The following TBC1D5 variants were observed in gnomAD, a reference collection of about 807,000 sequenced individuals.
The protein encoded by TBC1D5 is TBC1 domain family member 5, also known as TBC1 domain family, member 5.
In TBC1D5, 75 loss-of-function variants were observed where a neutral mutation model predicts 100.3. The observed-to-expected ratio is 0.75, with a 90% CI of 0.62 to 0.91. The LOEUF is 0.91. Among genes scored for constraint, TBC1D5 ranks in the 40% least tolerant of loss-of-function variants. The probability of loss-of-function intolerance (pLI) is 0.00; values close to 1 mark genes in which losing one functional copy is unlikely to be tolerated. For synonymous variants in TBC1D5, 323 were observed against 325.6 expected (o/e 0.99, Z 0.09); for missense variants, 910 against 942.4 (o/e 0.97, Z 0.45).
At chr3:17,212,604 G>C (rs922524761) in intron 18 of TBC1D5, among the ~76,000 whole-genome samples, 3 of 152,088 alleles carry the variant, frequency 2.0e-5, no homozygotes, top group Non-Finnish European at 2.9e-5. Context: ...CTCTATGAGT[G>C]TCACTGCCCC....
At chr3:17,740,655 G>T (rs1306600688) in exon 1 of TBC1D5, 1 of 152,184 alleles carries the variant, frequency 6.6e-6, no homozygotes, top group East Asian at 1.9e-4. Flanking sequence ...AACACCCACT[G>T]TACGACTCTC....
At chr3:17,689,489 T>C (rs1577488096) in intron 1 of TBC1D5, among the ~76,000 whole-genome samples, 1 of 130,656 alleles carries the variant, frequency 7.7e-6, no homozygotes, top group Non-Finnish European at 1.6e-5. Flanking sequence ...CAGTGGGCCC[T>C]GCCTGGGCGA....
intron 21 of TBC1D5, among the ~76,000 whole-genome samples, chr3:17,164,951 C>T (rs1382994596): frequency 6.6e-6 from 1 of 152,202 alleles, no homozygotes. Context: ...AAACTGCTAA[C>T]AGCTATGGGG....
chr3:17,583,472 T>C (rs2096712913), intron 2 of TBC1D5, among the ~76,000 whole-genome samples: 2 of 151,738 alleles, frequency 1.3e-5, no homozygotes, highest in South Asian at 4.2e-4. Flanking sequence ...ATGCCTGTAA[T>C]CCTAACACTT....
At chr3:17,403,107 G>C in intron 8 of TBC1D5, 74 bp downstream of exon 8, 1 of 1,295,682 alleles carries the variant, frequency 7.7e-7, no homozygotes, top group Non-Finnish European at 1.1e-6. Context: ...TGCAGATTTT[G>C]TGTTTTGTTA....
chr3:17,199,108 A>T (rs2071114025), intron 18 of TBC1D5, among the ~76,000 whole-genome samples: 1 of 152,240 alleles, frequency 6.6e-6, no homozygotes, highest in South Asian at 2.1e-4. Flanking sequence ...TTTAAATCAC[A>T]ATTTCTGGCA....
At chr3:17,727,572 A>T (rs1047332116) in intron 1 of TBC1D5, among the ~76,000 whole-genome samples, 4 of 152,260 alleles carry the variant, frequency 2.6e-5, no homozygotes, top group African/African-American at 9.6e-5. Flanking sequence ...TTAATCGTCC[A>T]CAAATCTACA....
exon 17 of TBC1D5, chr3:17,238,395 C>G: frequency 6.2e-7 from 1 of 1,613,280 alleles, no homozygotes; most frequent in South Asian, 1.1e-5. Flanking sequence ...TATTTATATT[C>G]AGGGGAGCAC....
chr3:17,614,028 T>C (rs2061909872), intron 2 of TBC1D5, among the ~76,000 whole-genome samples: 1 of 152,238 alleles, frequency 6.6e-6, no homozygotes, highest in Non-Finnish European at 1.5e-5. Flanking sequence ...GGTCTAACAT[T>C]CAACTGCTTA....
At chr3:17,695,406 A>C (rs1204418994) in intron 1 of TBC1D5, among the ~76,000 whole-genome samples, 1 of 152,210 alleles carries the variant, frequency 6.6e-6, no homozygotes. Context: ...AGGAAGATCT[A>C]CCAAGCAAAT....
intron 19 of TBC1D5, among the ~76,000 whole-genome samples, chr3:17,177,516 G>GGGGTTATGAATATGTTAACA (rs995551443): frequency 2.0e-5 from 3 of 152,190 alleles, no homozygotes; most frequent in Admixed American, 6.5e-5. Context: ...TTTGAAGCAT[G>GGGGTTATGAATATGTTAACA]GGGTTATGAA....
chr3:17,323,650 T>G (rs1298726770), intron 13 of TBC1D5, among the ~76,000 whole-genome samples: 1 of 152,066 alleles, frequency 6.6e-6, no homozygotes, highest in Non-Finnish European at 1.5e-5. Flanking sequence ...AATAGCTGTG[T>G]GCTGAAAACT....
At chr3:17,584,180 T>C (rs1026165029) in intron 2 of TBC1D5, among the ~76,000 whole-genome samples, 1 of 152,194 alleles carries the variant, frequency 6.6e-6, no homozygotes, top group Non-Finnish European at 1.5e-5. Flanking sequence ...TGTCAGAGCC[T>C]AGGGCTAAGG....
intron 14 of TBC1D5, among the ~76,000 whole-genome samples, chr3:17,296,529 T>C (rs2082274779): frequency 6.6e-6 from 1 of 152,200 alleles, no homozygotes; most frequent in African/African-American, 2.4e-5. Flanking sequence ...AAACAAGTGG[T>C]CAGTGGGAGG....
At chr3:17,658,009 A>G (rs568346871) in intron 1 of TBC1D5, among the ~76,000 whole-genome samples, 1 of 152,316 alleles carries the variant, frequency 6.6e-6, no homozygotes, top group Admixed American at 6.5e-5. Context: ...CTATGTTTAG[A>G]TAAACAGATA....
chr3:17,554,610 A>G (rs1433738503), intron 2 of TBC1D5, among the ~76,000 whole-genome samples: 1 of 152,204 alleles, frequency 6.6e-6, no homozygotes, highest in Non-Finnish European at 1.5e-5. Context: ...ACTGACGAAT[A>G]TATATACATT....
intron 2 of TBC1D5, among the ~76,000 whole-genome samples, chr3:17,563,365 GAC>G (rs1245239809): frequency 3.3e-5 from 5 of 152,126 alleles, no homozygotes; most frequent in Non-Finnish European, 2.9e-5. Context: ...TGAAGTCATA[GAC>G]ACAGACTAGA....
At chr3:17,479,195 T>A (rs895332932) in intron 3 of TBC1D5, among the ~76,000 whole-genome samples, 2 of 152,102 alleles carry the variant, frequency 1.3e-5, no homozygotes, top group Non-Finnish European at 2.9e-5. Context: ...AGCCCAGGAA[T>A]TCAAGACCAG....
At chr3:17,264,650 G>A (rs2078668564) in intron 15 of TBC1D5, among the ~76,000 whole-genome samples, 1 of 152,234 alleles carries the variant, frequency 6.6e-6, no homozygotes, top group African/African-American at 2.4e-5. Context: ...TCAGGAGTCA[G>A]TGAGGGTCGT....
Sources: gnomAD v4.1 joint callset for allele counts (sites outside exome capture counted in the v4.1 genomes callset) on GRCh38, gnomAD v4.1.1 for gene constraint, MANE v1.5 for transcripts, NCBI Gene and HGNC (gene_info 2026-07-23, HGNC 2026-07-21) for gene names.